The following INPP4B variants were observed in gnomAD, a reference collection of about 807,000 sequenced individuals.
INPP4B encodes inositol polyphosphate 4-phosphatase type II.
A neutral mutation model predicts 122.5 loss-of-function variants in INPP4B; 55 were observed. That is an observed-to-expected ratio of 0.45 (90% CI 0.36 to 0.56). The LOEUF (loss-of-function observed/expected upper bound fraction) is 0.56, where lower values mean the gene tolerates loss of function less well. Among genes scored for constraint, INPP4B ranks in the 20% least tolerant of loss-of-function variants. The pLI is 0.00. For missense variants in INPP4B, 1,000 were observed against 1,097.7 expected, an observed-to-expected ratio of 0.91 and a Z score of 1.26; for synonymous variants, 403 against 388.7, an observed-to-expected ratio of 1.04 and a Z score of -0.43.
In INPP4B at chr4:142,759,469, T is replaced by C. The variant is rs893662312; in HGVS notation, c.-253-33568A>G. Reference sequence around the variant, plus strand: ...TCCTTCCTCTTCAAATCTTTGATGATATCAACTCAAAATGAATTACCTATC... The same window carrying C: ...TCCTTCCTCTTCAAATCTTTGATGACATCAACTCAAAATGAATTACCTATC... On this transcript the variant is annotated intron_variant, in intron 1 of 25. Transcript: ENST00000262992. Among the ~76,000 whole-genome samples the C allele has an allele frequency of 3.9e-5, 6 of 152,260 alleles. No individual in the cohort carries two copies. The East Asian group carries it at 1.2e-3, about 29-fold the overall frequency.
chr4:142,831,669 C>A (rs1015327112), intron 1 of INPP4B, among the ~76,000 whole-genome samples: 1 of 152,090 alleles, frequency 6.6e-6, no homozygotes, highest in African/African-American at 2.4e-5. Flanking sequence ...AGCATTTTTT[C>A]CTCTTCCCAA....
At chr4:142,277,897 G>A (rs1320216294) in intron 9 of INPP4B, among the ~76,000 whole-genome samples, 1 of 151,870 alleles carries the variant, frequency 6.6e-6, no homozygotes, top group East Asian at 1.9e-4. Context: ...ATGGACTTTA[G>A]CAACTTGGGG....
chr4:142,114,039 A>T (rs1408685624), intron 21 of INPP4B, among the ~76,000 whole-genome samples: 3 of 152,022 alleles, frequency 2.0e-5, no homozygotes, highest in Non-Finnish European at 1.5e-5. Context: ...TTTTCTGCAT[A>T]TATCCTATGA....
At chr4:142,573,270 T>TG (rs1384003842) in intron 2 of INPP4B, among the ~76,000 whole-genome samples, 12 of 151,998 alleles carry the variant, frequency 7.9e-5, no homozygotes, top group Admixed American at 2.0e-4. Context: ...TACCCAACAC[T>TG]GGACATGAGA....
chr4:142,088,571 G>A (rs1353046642), intron 23 of INPP4B, among the ~76,000 whole-genome samples: 1 of 152,070 alleles, frequency 6.6e-6, no homozygotes. Context: ...TATGTATATA[G>A]GCAGAGTGAA....
intron 2 of INPP4B, among the ~76,000 whole-genome samples, chr4:142,679,540 G>A (rs1194923441): frequency 6.6e-6 from 1 of 151,786 alleles, no homozygotes; most frequent in Non-Finnish European, 1.5e-5. Context: ...AGTAAAGCAT[G>A]CATTCCAATA....
At chr4:142,705,244 A>G (rs1418025258) in intron 2 of INPP4B, among the ~76,000 whole-genome samples, 1 of 152,082 alleles carries the variant, frequency 6.6e-6, no homozygotes, top group Non-Finnish European at 1.5e-5. Flanking sequence ...TCTATTGCCA[A>G]TCCAGATCGT....
intron 2 of INPP4B, among the ~76,000 whole-genome samples, chr4:142,557,922 G>T (rs375063453): frequency 6.6e-6 from 1 of 152,104 alleles, no homozygotes; most frequent in Admixed American, 6.6e-5. Context: ...GGGCCATAAG[G>T]CTGCCACAAA....
chr4:142,619,682 T>A (rs1344854219), intron 2 of INPP4B, among the ~76,000 whole-genome samples: 1 of 151,950 alleles, frequency 6.6e-6, no homozygotes, highest in Non-Finnish European at 1.5e-5. Context: ...GTTCTAGAGA[T>A]CTTCTGTATA....
intron 2 of INPP4B, among the ~76,000 whole-genome samples, chr4:142,545,701 A>ATGTGTG (rs1560781660): frequency 2.6e-5 from 3 of 114,680 alleles, no homozygotes; most frequent in Non-Finnish European, 5.3e-5. Context: ...ATATATGTGT[A>ATGTGTG]TATATATGTG....
intron 16 of INPP4B, among the ~76,000 whole-genome samples, chr4:142,165,034 T>C (rs1287412624): frequency 2.6e-5 from 4 of 151,744 alleles, no homozygotes; most frequent in Non-Finnish European, 5.9e-5. Flanking sequence ...ATTGGTGAGG[T>C]AATCCATTTT....
intron 2 of INPP4B, among the ~76,000 whole-genome samples, chr4:142,519,336 T>C (rs1424360173): frequency 6.6e-6 from 1 of 152,220 alleles, no homozygotes; most frequent in Non-Finnish European, 1.5e-5. Flanking sequence ...TTCATTAATA[T>C]ATATATGCTA....
At chr4:142,371,799 G>C (rs1005190422) in intron 7 of INPP4B, among the ~76,000 whole-genome samples, 7 of 151,738 alleles carry the variant, frequency 4.6e-5, no homozygotes, top group African/African-American at 1.7e-4. Context: ...TGGCAAATAT[G>C]TGAGGAAAGG....
At chr4:142,808,343 T>G (rs889148262) in intron 1 of INPP4B, among the ~76,000 whole-genome samples, 3 of 152,096 alleles carry the variant, frequency 2.0e-5, no homozygotes, top group African/African-American at 4.8e-5. Context: ...CTTCTCAAAT[T>G]GAAAGCCGGA....
chr4:142,622,194 G>A (rs190478100), intron 2 of INPP4B, among the ~76,000 whole-genome samples: 1 of 151,926 alleles, frequency 6.6e-6, no homozygotes, highest in Non-Finnish European at 1.5e-5. Flanking sequence ...CTCAATGTGG[G>A]CCCGGGCTAC....
chr4:142,840,058 G>C (rs1459917078), intron 1 of INPP4B, among the ~76,000 whole-genome samples: 1 of 152,130 alleles, frequency 6.6e-6, no homozygotes, highest in Non-Finnish European at 1.5e-5. Flanking sequence ...TTCAGTCAAA[G>C]GCAAGGGTGT....
intron 14 of INPP4B, among the ~76,000 whole-genome samples, chr4:142,207,949 C>T (rs3102445): frequency 0.64 from 96,698 of 151,782 alleles, 31,407 homozygotes; most frequent in Non-Finnish European, 0.69. Flanking sequence ...CATTTAAATA[C>T]TCTACCACCT....
At chr4:142,724,729 C>T (rs1282820931) in intron 2 of INPP4B, among the ~76,000 whole-genome samples, 1 of 152,012 alleles carries the variant, frequency 6.6e-6, no homozygotes, top group African/African-American at 2.4e-5. Context: ...GAAGAATTAC[C>T]TAGAAGCCAG....
rs1383926478 is a variant in INPP4B, at chr4:142,403,119, G to A, written c.256-65C>T. 30 of 847,186 alleles carry A rather than the reference G, an allele frequency of 3.5e-5. No individual in the cohort carries two copies. The East Asian group carries it at 5.8e-4, about 16-fold the overall frequency. The allele number at this position is 847,186 out of a possible 1,614,324, so 52.5% of individuals were successfully genotyped here. On this transcript the variant is annotated intron_variant, in intron 6 of 25. Transcript: ENST00000262992. ...AGCAACTGTAGTTGGCAGCACGCAA[G>A]TGACACATGAGAATGCAGAAAGTGT...
Sources: allele counts gnomAD v4.1 joint callset (sites outside exome capture counted in the v4.1 genomes callset), GRCh38; gene constraint gnomAD v4.1.1; transcripts MANE v1.5; gene names NCBI Gene and HGNC (gene_info 2026-07-23, HGNC 2026-07-21).